Variants in GK observed in about 807,000 individuals in gnomAD.
The protein encoded by GK is ATP:glycerol 3-phosphotransferase.
GK carries 9 observed loss-of-function variants against 56.4 expected under a neutral mutation model. That is an observed-to-expected ratio of 0.16 (90% confidence interval 0.10 to 0.28). GK has a LOEUF of 0.28. GK is among the 10% of genes least tolerant of loss of function. GK has a pLI of 1.00. For synonymous variants in GK, 104 were observed against 144.1 expected (o/e 0.72, Z 1.99); for missense variants, 161 against 431.4 (o/e 0.37, Z 5.55).
chrX:30,727,050 C>T (rs1049868193), intron 19 of GK, among the ~76,000 whole-genome samples: 1 of 112,181 alleles, frequency 8.9e-6, no homozygotes, highest in Non-Finnish European at 1.9e-5. Flanking sequence ...TCTTAGGACA[C>T]TAATATAACT....
At chrX:30,727,803 C>T (rs1937204228) in intron 20 of GK, among the ~76,000 whole-genome samples, 1 of 111,264 alleles carries the variant, frequency 9.0e-6, no homozygotes, top group Admixed American at 9.6e-5. Context: ...CTGTCAGCTG[C>T]AGCAATAAGC....
intron 5 of GK, among the ~76,000 whole-genome samples, chrX:30,694,041 T>C (rs747820139): frequency 8.9e-6 from 1 of 112,398 alleles, no homozygotes; most frequent in South Asian, 3.6e-4. Context: ...TAAATGTCAT[T>C]TTTATGGAAT....
chrX:30,699,191 G>GT (rs1569161779), intron 9 of GK, among the ~76,000 whole-genome samples: 1 of 99,098 alleles, frequency 1.0e-5, no homozygotes, highest in African/African-American at 3.7e-5. Context: ...ATATATATAT[G>GT]TTTTATATAT....
At chrX:30,685,486 A>G (rs1274598685) in intron 4 of GK, among the ~76,000 whole-genome samples, 1 of 111,890 alleles carries the variant, frequency 8.9e-6, no homozygotes, top group African/African-American at 3.2e-5. Context: ...TCACTTTTGT[A>G]AAATCTAGAA....
At chrX:30,721,796 A>G (rs1048393499) in intron 18 of GK, 9 of 112,685 alleles carry the variant, frequency 8.0e-5, no homozygotes, top group Middle Eastern at 4.2e-3. Flanking sequence ...AACATTAGAT[A>G]TCTGATTCAC....
At chrX:30,710,567 T>A (rs1444419542) in intron 13 of GK, among the ~76,000 whole-genome samples, 3 of 111,904 alleles carry the variant, frequency 2.7e-5, no homozygotes, top group Non-Finnish European at 5.6e-5. Flanking sequence ...TTGGTCATAC[T>A]AATTCCTTTT....
rs187274085 is a variant in GK at position 30,730,663 on chromosome X, T to A, written c.*1921T>A. 9.9e-5 allele frequency: 11 copies of A among 111,389 alleles called. No individual in the cohort carries two copies. Among genetic ancestry groups the A allele is most frequent in the Admixed American group, 9.6e-4 (10 of 10,422 alleles). 9.2% of individuals were successfully genotyped at this position (111,389 alleles called of 1,213,427 possible). A position where few individuals can be genotyped will look rare whatever the true frequency, so the allele number is the denominator to read the frequency against. On this transcript the variant is annotated 3_prime_UTR_variant, in exon 21 of 21. Transcript: ENST00000427190. The stretch of plus-strand genomic sequence containing the variant: ...TAGTTGAAAGTTAAATTAAGAAAGA[T>A]GTTTCAGAGGCCGGGCACGGTGGCT...
chrX:30,705,905 G>C (rs1399050404), intron 11 of GK, among the ~76,000 whole-genome samples: 1 of 111,880 alleles, frequency 8.9e-6, no homozygotes, highest in Non-Finnish European at 1.9e-5. Context: ...GCACTAAGAC[G>C]CGTACGCTAC....
chrX:30,730,452 G>A lies in GK; in HGVS notation c.*1710G>A, dbSNP rs1937305609. 8.9e-6 allele frequency: 1 copy of A among 111,896 alleles called. No individual in the cohort carries two copies. The highest frequency in any genetic ancestry group is 9.6e-5 in the Admixed American group (1 of 10,459). The allele number at this position is 111,896 out of a possible 1,213,427, so 9.2% of individuals were successfully genotyped here. ...AACATAAATGTTTCTACAAAAGTAGGTTGAGTTCATTGTAAATAATTGTGA... is the reference window on the plus strand; with the variant it reads ...AACATAAATGTTTCTACAAAAGTAGATTGAGTTCATTGTAAATAATTGTGA... On this transcript the variant is annotated 3_prime_UTR_variant, in exon 21 of 21. Transcript: ENST00000427190.
chrX:30,727,691 G>C (rs924667570), intron 20 of GK, 139 bp downstream of exon 20: 1 of 462,468 alleles, frequency 2.2e-6, no homozygotes, highest in African/African-American at 2.4e-5. Flanking sequence ...TAATTAGTTA[G>C]ACCAATTAAT....
chrX:30,717,947 A>G (rs1936711349), intron 13 of GK, among the ~76,000 whole-genome samples: 1 of 111,515 alleles, frequency 9.0e-6, no homozygotes. Context: ...TAACTTACTA[A>G]GTTACTTAGA....
At chrX:30,695,318 G>T (rs143570050) in intron 6 of GK, among the ~76,000 whole-genome samples, 1,157 of 112,160 alleles carry the variant, frequency 0.01, 12 homozygotes, top group Middle Eastern at 0.018. Flanking sequence ...CCATTTTCAC[G>T]TGTGTCAGTC....
rs751201580 is a variant in GK at position 30,696,429 on chromosome X, A to G, written c.663-188A>G. ...AATTTTTATTGATTGGCTTGCATAA[A>G]GTTAGAATGTTAAATATCTAAGAAT... On this transcript the variant is annotated intron_variant, in intron 7 of 20. Transcript: ENST00000427190. Among the ~76,000 whole-genome samples the G allele has an allele frequency of 4.4e-5, 5 of 112,591 alleles. No homozygotes were observed. In the South Asian group the frequency reaches 1.4e-3, roughly 32 times the overall value.
intron 18 of GK, among the ~76,000 whole-genome samples, chrX:30,723,167 G>A (rs976002882): frequency 5.4e-5 from 6 of 111,125 alleles, no homozygotes; most frequent in East Asian, 2.8e-4. Context: ...AAGCCGAGGC[G>A]GGCGGATCAC....
At chrX:30,683,720 A>G (rs1315539751) in intron 4 of GK, among the ~76,000 whole-genome samples, 1 of 112,755 alleles carries the variant, frequency 8.9e-6, no homozygotes. Context: ...TTTAGAATTT[A>G]TCTGTTAATT....
At chrX:30,673,688 C>A (rs1310287642) in intron 3 of GK, among the ~76,000 whole-genome samples, 1 of 111,519 alleles carries the variant, frequency 9.0e-6, no homozygotes, top group Non-Finnish European at 1.9e-5. Context: ...AAAAGGAATG[C>A]CCAGGGAGGA....
chrX:30,665,398 T>C, intron 1 of GK, 113 bp from the exon 2 acceptor site: 1 of 514,276 alleles, frequency 1.9e-6, no homozygotes, highest in South Asian at 2.6e-5. Flanking sequence ...ATATGGCATT[T>C]CATCTAATTG....
intron 9 of GK, 73 bp from the exon 10 acceptor site, chrX:30,700,341 A>G: frequency 1.5e-6 from 1 of 667,952 alleles, no homozygotes; most frequent in Non-Finnish European, 2.4e-6. Flanking sequence ...ACTTGTGTTC[A>G]CTCTTGTTGC....
chrX:30,683,435 C>A (rs778070786), intron 4 of GK, among the ~76,000 whole-genome samples: 1 of 111,027 alleles, frequency 9.0e-6, no homozygotes, highest in Non-Finnish European at 1.9e-5. Context: ...TATGTGGCCT[C>A]CTTTGTTTAT....
Sources: gnomAD v4.1 joint callset for allele counts (sites outside exome capture counted in the v4.1 genomes callset) on GRCh38, gnomAD v4.1.1 for gene constraint, MANE v1.5 for transcripts, NCBI Gene and HGNC (gene_info 2026-07-23, HGNC 2026-07-21) for gene names.